Variants in GLT8D2 observed in about 807,000 individuals in gnomAD.
GLT8D2 encodes glycosyltransferase 8 domain containing 2, also known as glycosyltransferase 8 domain-containing protein 2.
GLT8D2 carries 45 observed loss-of-function variants against 44.5 expected under a neutral mutation model. That is an observed-to-expected ratio of 1.01 (90% CI 0.80 to 1.30). GLT8D2 has a LOEUF of 1.30. GLT8D2 is among the 50% of genes most tolerant of loss of function. GLT8D2 has a pLI of 0.00. For missense variants in GLT8D2, 400 were observed against 430.4 expected (o/e 0.93, Z 0.62); for synonymous variants, 156 against 157.2 (o/e 0.99, Z 0.06).
At chr12:103,992,737 C>G (rs1455882938) in intron 10 of GLT8D2, among the ~76,000 whole-genome samples, 6 of 152,096 alleles carry the variant, frequency 3.9e-5, no homozygotes, top group African/African-American at 1.2e-4. Flanking sequence ...GGTTATCCAC[C>G]CTCCTCAGCC....
chr12:104,016,850 G>GAAAGAAAGAAAC (rs1876885618), intron 3 of GLT8D2, among the ~76,000 whole-genome samples: 1 of 148,630 alleles, frequency 6.7e-6, no homozygotes, highest in South Asian at 2.2e-4. Flanking sequence ...AAGAAAGAAA[G>GAAAGAAAGAAAC]AAAGAAAGAA....
rs375188988 is a variant in GLT8D2 at position 103,999,400 on chromosome 12, C to G, written c.399G>C (p.Gln133His). Residue 133 changes from glutamine to histidine, a missense_variant, in exon 6 of 11, where the codon CAG becomes CAC. Transcript: ENST00000360814. ...RPDSSRPELL[Q>H]PLNFVRFYLP... ...CACCTGTGTGGTCCCTACTTACAGG[C>G]TGGAGCAATTCAGGCCTCGATGAGT... 1.5e-4 allele frequency: 236 copies of G among 1,591,370 alleles called. No homozygotes were observed. Among genetic ancestry groups the G allele is most frequent in the Non-Finnish European group, 2.0e-4 (230 of 1,159,326 alleles).
intron 8 of GLT8D2, 37 bp downstream of exon 8, chr12:103,996,698 G>A: frequency 7.0e-7 from 1 of 1,430,300 alleles, no homozygotes; most frequent in South Asian, 1.2e-5. Context: ...CAGAGTTGTA[G>A]AGTGAAGGGA....
intron 1 of GLT8D2, among the ~76,000 whole-genome samples, chr12:104,023,145 G>A (rs1026214210): frequency 6.6e-6 from 1 of 152,164 alleles, no homozygotes. Flanking sequence ...CTATGCATCA[G>A]GGGGAGGGAG....
chr12:104,021,897 G>T (rs1877733461), intron 1 of GLT8D2, among the ~76,000 whole-genome samples: 1 of 10,570 alleles, frequency 9.5e-5, no homozygotes, highest in Non-Finnish European at 1.8e-4. Flanking sequence ...AGAAGAAGAA[G>T]AAGAAGAAGA....
chr12:104,023,771 A>C (rs1878211415), intron 1 of GLT8D2, among the ~76,000 whole-genome samples: 1 of 152,168 alleles, frequency 6.6e-6, no homozygotes, highest in Non-Finnish European at 1.5e-5. Context: ...ATGTCATATA[A>C]ATGGAATCCT....
intron 1 of GLT8D2, among the ~76,000 whole-genome samples, chr12:104,041,561 G>A (rs900486029): frequency 3.9e-5 from 6 of 152,202 alleles, no homozygotes; most frequent in Non-Finnish European, 7.3e-5. Context: ...GGGTGACAAA[G>A]CAAGGCTCTT....
intron 1 of GLT8D2, among the ~76,000 whole-genome samples, chr12:104,057,460 G>T (rs554014534): frequency 6.6e-6 from 1 of 152,012 alleles, no homozygotes; most frequent in Non-Finnish European, 1.5e-5. Flanking sequence ...GGTCAAGGTT[G>T]TGGTGAGCTG....
chr12:103,993,847 C>A (rs1873078061), intron 9 of GLT8D2: 1 of 200,364 alleles, frequency 5.0e-6, no homozygotes, highest in South Asian at 1.3e-4. Context: ...ATTAAAATAT[C>A]CAGATACACA....
chr12:104,016,027 C>T (rs932667385), intron 3 of GLT8D2, among the ~76,000 whole-genome samples: 1 of 152,168 alleles, frequency 6.6e-6, no homozygotes, highest in Non-Finnish European at 1.5e-5. Flanking sequence ...CATCTGCAAA[C>T]AGGATAATTT....
chr12:103,995,516 C>T (rs1873302095), intron 8 of GLT8D2, among the ~76,000 whole-genome samples: 2 of 152,208 alleles, frequency 1.3e-5, no homozygotes, highest in African/African-American at 4.8e-5. Context: ...CTCAGTGGAG[C>T]CTTCCCTGAT....
Position 104,006,385 on chromosome 12 carries a change from A to G in GLT8D2, c.113-3079T>C, listed in dbSNP as rs555227980. 1.2e-4 allele frequency among the ~76,000 whole-genome samples: 19 copies of G among 152,276 alleles called. No individual in the cohort carries two copies. In the East Asian group the frequency reaches 3.7e-3, roughly 29 times the overall value. On this transcript the variant is annotated intron_variant, in intron 4 of 10. Coordinates refer to ENST00000360814, the MANE Select transcript of GLT8D2 (RefSeq NM_001384711.1). ...AAAACTTAAAGTATAATAAATAGAT[A>G]AATAAATAAATAAAAGAAACTGGCT...
intron 1 of GLT8D2, among the ~76,000 whole-genome samples, chr12:104,058,663 T>C (rs1486545845): frequency 6.6e-6 from 1 of 152,202 alleles, no homozygotes; most frequent in East Asian, 1.9e-4. Flanking sequence ...TATTGGGTCT[T>C]AAAGCCCTTG....
At chr12:104,063,658 T>C (rs1882891089) in intron 1 of GLT8D2, among the ~76,000 whole-genome samples, 1 of 152,196 alleles carries the variant, frequency 6.6e-6, no homozygotes. Flanking sequence ...GCTTGGGGGT[T>C]CTGGAATCAG....
upstream of GLT8D2, among the ~76,000 whole-genome samples, chr12:104,050,555 C>A (rs189843440): frequency 6.6e-6 from 1 of 152,022 alleles, no homozygotes; most frequent in African/African-American, 2.4e-5. Flanking sequence ...TGTTTTTGTG[C>A]CTGAACAAAA....
chr12:104,019,982 C>T (rs776247241), intron 2 of GLT8D2, among the ~76,000 whole-genome samples: 13 of 152,068 alleles, frequency 8.5e-5, no homozygotes, highest in Non-Finnish European at 1.8e-4. Flanking sequence ...TGCAGTGGTG[C>T]GATCTTGGCT....
Position 104,015,020 on chromosome 12 carries a change from A to T in GLT8D2, c.105T>A (p.Asn35Lys). 6.2e-7 allele frequency: 1 copy of T among 1,611,360 alleles called. No homozygotes were observed. Among genetic ancestry groups the T allele is most frequent in the Non-Finnish European group, 8.5e-7 (1 of 1,177,566 alleles). ...KKVHKGTVPK[N>K]DADDESETPE... ...AATTCCATGTCTGCTCACCTGCGTC[A>T]TTCTTGGGCACAGTCCCCTTATGAA... Residue 35 changes from asparagine to lysine, a missense_variant, in exon 4 of 11, where the codon AAT (asparagine) becomes AAA (lysine). By Grantham distance (94) the Asn-to-Lys change is moderately conservative. Coordinates refer to ENST00000360814, the MANE Select transcript of GLT8D2 (RefSeq NM_001384711.1).
chr12:104,036,634 C>A (rs1224170037), intron 1 of GLT8D2, among the ~76,000 whole-genome samples: 1 of 152,136 alleles, frequency 6.6e-6, no homozygotes, highest in African/African-American at 2.4e-5. Flanking sequence ...TATATGCACC[C>A]AATACAGGAG....
At chr12:103,993,566 G>T in intron 9 of GLT8D2, 62 bp from the exon 10 acceptor site, 2 of 1,015,742 alleles carry the variant, frequency 2.0e-6, no homozygotes, top group Non-Finnish European at 2.9e-6. Context: ...AGATAAAGTC[G>T]AATCTGATAT....
Sources: allele counts gnomAD v4.1 joint callset (sites outside exome capture counted in the v4.1 genomes callset), GRCh38; gene constraint gnomAD v4.1.1; transcripts MANE v1.5; gene names NCBI Gene and HGNC (gene_info 2026-07-23, HGNC 2026-07-21).